SLC4A5: variants seen among roughly 807,000 people sequenced by gnomAD.
SLC4A5 encodes electrogenic sodium bicarbonate cotransporter 4.
SLC4A5 carries 96 observed loss-of-function variants against 120.4 expected under a neutral mutation model. The ratio of observed to expected loss-of-function variants is 0.80; its 90% CI spans 0.68 to 0.94. The LOEUF (loss-of-function observed/expected upper bound fraction) is 0.94. Among genes scored for constraint, SLC4A5 ranks in the 40% least tolerant of loss-of-function variants. The pLI is 0.00. For missense variants in SLC4A5, 1,259 were observed against 1,459.5 expected, an observed-to-expected ratio of 0.86 and a Z score of 2.24; for synonymous variants, 550 against 571.1, an observed-to-expected ratio of 0.96 and a Z score of 0.53.
At chr2:74,308,568 T>C (rs1342275372) in intron 6 of SLC4A5, among the ~76,000 whole-genome samples, 2 of 152,212 alleles carry the variant, frequency 1.3e-5, no homozygotes, top group African/African-American at 4.8e-5. Flanking sequence ...TTAAATTGGG[T>C]TGTTTCCTTA....
At chr2:74,273,831 C>T (rs1413887239) in intron 8 of SLC4A5, among the ~76,000 whole-genome samples, 3 of 152,166 alleles carry the variant, frequency 2.0e-5, no homozygotes, top group Admixed American at 2.0e-4. Context: ...TTGACAGAGG[C>T]ACTAAAAAAT....
chr2:74,313,532 C>T (rs1321229845), intron 6 of SLC4A5, among the ~76,000 whole-genome samples: 1 of 152,186 alleles, frequency 6.6e-6, no homozygotes, highest in Non-Finnish European at 1.5e-5. Context: ...GCTCACCCCA[C>T]TGCATGCTCT....
At chr2:74,278,603 C>A (rs1440198983) in intron 8 of SLC4A5, among the ~76,000 whole-genome samples, 2 of 152,128 alleles carry the variant, frequency 1.3e-5, no homozygotes, top group South Asian at 4.1e-4. Flanking sequence ...GAACCTTTTA[C>A]CTGGGGCTTG....
intron 8 of SLC4A5, among the ~76,000 whole-genome samples, chr2:74,267,305 C>T (rs1671336449): frequency 6.6e-6 from 1 of 152,096 alleles, no homozygotes; most frequent in Admixed American, 6.6e-5. Flanking sequence ...AGGAAACGAT[C>T]ACAGGAATAT....
At chr2:74,235,050 C>T (rs1440130947) in intron 22 of SLC4A5, 51 bp downstream of exon 22, 4 of 1,408,758 alleles carry the variant, frequency 2.8e-6, no homozygotes, top group Admixed American at 1.7e-5. Context: ...AAAGAATCTG[C>T]AGCTGGTAGG....
chr2:74,327,268 A>G (rs1673238567), intron 5 of SLC4A5, among the ~76,000 whole-genome samples: 1 of 152,150 alleles, frequency 6.6e-6, no homozygotes, highest in Admixed American at 6.5e-5. Context: ...AAGCCACTTG[A>G]CCTTGATATC....
chr2:74,325,088 T>G (rs1673187706), intron 5 of SLC4A5, among the ~76,000 whole-genome samples: 1 of 152,184 alleles, frequency 6.6e-6, no homozygotes, highest in South Asian at 2.1e-4. Flanking sequence ...CATGTTTGAG[T>G]TGGGCTTCTC....
chr2:74,244,545 C>T (rs1288638253), intron 19 of SLC4A5, among the ~76,000 whole-genome samples: 1 of 147,684 alleles, frequency 6.8e-6, no homozygotes, highest in African/African-American at 2.5e-5. Flanking sequence ...TCTCTCTTTC[C>T]TCCTCTTCTC....
chr2:74,269,330 T>C (rs1035125185), intron 8 of SLC4A5, among the ~76,000 whole-genome samples: 2 of 152,222 alleles, frequency 1.3e-5, no homozygotes, highest in African/African-American at 2.4e-5. Flanking sequence ...TTCAGCCTCC[T>C]GAGTAGCTGG....
chr2:74,274,275 C>T (rs1310010215), intron 8 of SLC4A5, among the ~76,000 whole-genome samples: 1 of 152,124 alleles, frequency 6.6e-6, no homozygotes, highest in African/African-American at 2.4e-5. Context: ...TGCACTCTAG[C>T]CTGGGCAACA....
Position 74,255,693 on chromosome 2 carries a change from A to G in SLC4A5, c.1025+82T>C. 1 of 1,521,304 alleles carries G rather than the reference A, an allele frequency of 6.6e-7. No homozygotes were observed. The highest frequency in any genetic ancestry group is 9.0e-7 in the Non-Finnish European group (1 of 1,111,696). 94.2% of individuals were successfully genotyped at this position (1,521,304 alleles called of 1,614,324 possible). A position where few individuals can be genotyped will look rare whatever the true frequency, so the allele number is the denominator to read the frequency against. The stretch of plus-strand genomic sequence containing the variant: ...TTTAGAGGTGCCTTTGAGAACACTA[A>G]CAGTCAACAGCACTGCTTGCTGACT... On this transcript the variant is annotated intron_variant, in intron 13 of 30. Transcript: ENST00000394019. This position sits in a 1 kb window ranked among gnomAD's most constrained non-coding sequence, Gnocchi z 4.0.
At chr2:74,235,046 T>A in intron 22 of SLC4A5, 55 bp downstream of exon 22, 2 of 1,376,692 alleles carry the variant, frequency 1.5e-6, no homozygotes, top group Non-Finnish European at 2.1e-6. Flanking sequence ...GGGGAAAGAA[T>A]CTGCAGCTGG....
chr2:74,290,619 A>AAGAGAGAG lies in SLC4A5; in HGVS notation c.272-4718_272-4717insCTCTCTCT, dbSNP rs1573067714. On this transcript the variant is annotated intron_variant, in intron 7 of 30. Coordinates refer to ENST00000394019, the Ensembl canonical transcript of SLC4A5. ...GAGAGAGACAGAGAGAGAGACAGAG[A>AAGAGAGAG]AGTGAGAGAGAGAGAGAGAGAGAGA... 3 of 910,570 alleles carry AAGAGAGAG rather than the reference A, an allele frequency of 3.3e-6. No individual in the cohort carries two copies. The African/African-American group carries it at 9.1e-5, about 28-fold the overall frequency. The allele number at this position is 910,570 out of a possible 1,614,324, so 56.4% of individuals were successfully genotyped here.
At chr2:74,281,240 G>A (rs1671803994) in intron 8 of SLC4A5, among the ~76,000 whole-genome samples, 1 of 152,210 alleles carries the variant, frequency 6.6e-6, no homozygotes, top group African/African-American at 2.4e-5. Context: ...TCTGAGTTGA[G>A]ACCAGAAGCA....
chr2:74,290,224 A>C, intron 7 of SLC4A5: 1 of 985,516 alleles, frequency 1.0e-6, no homozygotes, highest in African/African-American at 1.7e-5. Flanking sequence ...GATGCAAACC[A>C]GTTCTGCCTG....
chr2:74,235,313 G>T, intron 21 of SLC4A5, 99 bp from the exon 22 acceptor site: 1 of 821,124 alleles, frequency 1.2e-6, no homozygotes. Flanking sequence ...AACTATTACA[G>T]TCTGGGCTCT....
intron 5 of SLC4A5, among the ~76,000 whole-genome samples, chr2:74,315,314 C>T (rs1672930990): frequency 6.6e-6 from 1 of 151,880 alleles, no homozygotes; most frequent in Admixed American, 6.6e-5. Context: ...GTGGCATTCA[C>T]CTATAATCCC....
At chr2:74,317,110 A>T (rs1672988899) in intron 5 of SLC4A5, among the ~76,000 whole-genome samples, 1 of 152,168 alleles carries the variant, frequency 6.6e-6, no homozygotes, top group South Asian at 2.1e-4. Flanking sequence ...GTCAACTTAA[A>T]TTCCTGCCTT....
chr2:74,264,236 C>T, exon 10 of SLC4A5: 1 of 1,614,270 alleles, frequency 6.2e-7, no homozygotes, highest in Non-Finnish European at 8.5e-7. Context: ...GAGGACGTAA[C>T]TGACCCTCTC....
Sources: gnomAD v4.1 joint callset for allele counts (sites outside exome capture counted in the v4.1 genomes callset) on GRCh38, gnomAD v4.1.1 for gene constraint, Gnocchi (gnomAD v3.1) non-coding constraint, MANE v1.5 for transcripts, NCBI Gene and HGNC (gene_info 2026-07-23, HGNC 2026-07-21) for gene names.